Variants in TTN observed in about 807,000 individuals in gnomAD.
TTN encodes connectin.
Under a neutral mutation model 3,223.0 loss-of-function variants are expected in TTN, and 1,525 were observed. That is an observed-to-expected ratio of 0.47 (90% CI 0.45 to 0.49). TTN has a LOEUF of 0.49. Ranked by LOEUF, TTN falls within the 20% of genes least tolerant of loss-of-function variation. The pLI, the probability that TTN is intolerant of heterozygous loss-of-function variation, is 0.00. For synonymous variants in TTN, 14,094 were observed against 15,161.0 expected (o/e 0.93, Z 5.17); for missense variants, 40,786 against 43,424.0 (o/e 0.94, Z 5.40).
At position 178,769,828 on chromosome 2, in the gene TTN, C is replaced by G. The variant is rs746575522; in HGVS notation, c.8753G>C (p.Gly2918Ala). The G allele has an allele frequency of 3.7e-6, 6 of 1,613,956 alleles. No individual in the cohort carries two copies. The stretch of plus-strand genomic sequence containing the variant: ...CTTTTCACTCATCTCAATTTCCACA[C>G]CATTCTTCAGCCACATGGAAGGGAC... ...FNVPSMWLKN[G>A]VEIEMSEKFK... The change falls in exon 37 of 363, where the codon GGT (glycine) becomes GCT (alanine). Residue 2918 changes from glycine to alanine, a missense_variant. Physicochemically the swap from Gly to Ala is moderately conservative, Grantham distance 60 (BLOSUM62 0). Coordinates refer to ENST00000589042, the MANE Select transcript of TTN (RefSeq NM_001267550.2).
chr2:178,773,891 G>C lies in TTN; in HGVS notation c.7277C>G (p.Ser2426Cys). 1 of 1,614,112 alleles carries C rather than the reference G, an allele frequency of 6.2e-7. No individual in the cohort carries two copies. The highest frequency in any genetic ancestry group is 8.5e-7 in the Non-Finnish European group (1 of 1,179,976). ...GAGGCCAAGGGCTGGAATGGTGAAA[G>C]AGTAATTTCCAGCATCTTCCTTAGT... is the stretch of plus-strand genomic sequence containing the variant. ...DMTKEDAGNY[S>C]FTIPALGLST... Residue 2426 changes from serine (S) to cysteine (C), a missense_variant, in exon 31 of 363, where the codon TCT (serine) becomes TGT (cysteine). By Grantham distance (112) the Ser-to-Cys change is moderately radical. Coordinates refer to ENST00000589042, the MANE Select transcript of TTN (RefSeq NM_001267550.2).
rs946539839 is a variant in TTN, at chr2:178,573,668, A to G, written c.72464T>C (p.Ile24155Thr). Residue 24155 changes from isoleucine to threonine, a missense_variant, in exon 326 of 363, where the codon ATT becomes ACT. Physicochemically the swap from Ile to Thr is moderately conservative, Grantham distance 89 (BLOSUM62 -1). Coordinates refer to ENST00000589042, the MANE Select transcript of TTN (RefSeq NM_001267550.2). ...ACGTTTCTGTACTATGTAATGATCA[A>G]TTTTGGCACCTCCATCATCCAGTGG... ...FPPLDDGGAK[I>T]DHYIVQKRET... 4 of 1,516,206 alleles carry G rather than the reference A, an allele frequency of 2.6e-6. No individual in the cohort carries two copies. Among genetic ancestry groups the G allele is most frequent in the Non-Finnish European group, 3.5e-6 (4 of 1,134,134 alleles). 93.9% of individuals were successfully genotyped at this position (1,516,206 alleles called of 1,614,324 possible). A position where few individuals can be genotyped will look rare whatever the true frequency, so the allele number is the denominator to read the frequency against.
In TTN at chr2:178,664,481, C is replaced by T; in HGVS notation, c.36259G>A (p.Ala12087Thr). Residue 12087 changes from alanine to threonine, a missense_variant, in exon 168 of 363, where the codon GCT becomes ACT. Physicochemically the swap from Ala to Thr is moderately conservative, Grantham distance 58. Transcript: ENST00000589042. ...GTACCTTTGACAGGTACAACTTCAG[C>T]CCTTTGGGGAGGATGCACTTTCTTT... ...PEKKVHPPQR[A>T]EVVPVKVHEA... The T allele has an allele frequency of 6.2e-7, 1 of 1,612,168 alleles. No homozygotes were observed. The highest frequency in any genetic ancestry group is 8.5e-7 in the Non-Finnish European group (1 of 1,179,418).
At position 178,629,314 on chromosome 2, in the gene TTN, T is replaced by A; in HGVS notation, c.44411A>T (p.Glu14804Val). Reference sequence around the variant, plus strand: ...CCTGCTTTTTACCTTATCGCTGGGCTCTAGTTTCTTCCCTTTGAGATACCA... The same window carrying A: ...CCTGCTTTTTACCTTATCGCTGGGCACTAGTTTCTTCCCTTTGAGATACCA... ...VEWYLKGKKLEPSDKVVPRSE... is the reference protein window; with the variant it reads ...VEWYLKGKKLVPSDKVVPRSE... The change falls in exon 240 of 363, where the codon GAG becomes GTG. Residue 14804 changes from glutamate (E) to valine (V), a missense_variant. Coordinates refer to ENST00000589042, the MANE Select transcript of TTN (RefSeq NM_001267550.2). 6.2e-7 allele frequency: 1 copy of A among 1,612,680 alleles called. No individual in the cohort carries two copies. The highest frequency in any genetic ancestry group is 8.5e-7 in the Non-Finnish European group (1 of 1,179,184).
chr2:178,759,168 T>C lies in TTN; in HGVS notation c.10119A>G (p.Leu3373=), dbSNP rs2088244202. ...RFQCRVSGTD[L]KVSWYSKDKK... Reference sequence around the variant, plus strand: ...TGTCTTTGCTGTACCACGACACTTTTAGATCTGCGACACAAAAGAAAAGAG... The same window carrying C: ...TGTCTTTGCTGTACCACGACACTTTCAGATCTGCGACACAAAAGAAAAGAG... The change falls in exon 44 of 363, where the codon CTA becomes CTG. Residue 3373 remains leucine, a synonymous_variant. Transcript: ENST00000589042. 6.2e-7 allele frequency: 1 copy of C among 1,613,960 alleles called. No homozygotes were observed. The highest frequency in any genetic ancestry group is 8.5e-7 in the Non-Finnish European group (1 of 1,179,926).
chr2:178,615,102 C>A, intron 259 of TTN, 134 bp from the exon 260 acceptor site: 1 of 1,000,008 alleles, frequency 1.0e-6, no homozygotes, highest in Non-Finnish European at 1.4e-6. Flanking sequence ...TACTTCAACA[C>A]TATAACTGAA....
At position 178,615,764 on chromosome 2, in the gene TTN, C is replaced by T. The variant is rs548275593; in HGVS notation, c.48337G>A (p.Glu16113Lys). 60 of 1,611,782 alleles carry T rather than the reference C, an allele frequency of 3.7e-5. 3 individuals are homozygous for T. The South Asian group carries it at 6.5e-4, about 17-fold the overall frequency. Residue 16113 changes from glutamate to lysine, a missense_variant, in exon 258 of 363, where the codon GAA becomes AAA. By Grantham distance (56) the Glu-to-Lys change is moderately conservative (BLOSUM62 1). Transcript: ENST00000589042. ...TGAACAAGATCAGGAACTGTGAATT[C>T]TAGATCAGTCACAAAGTCCATAACC... Reference protein sequence around the residue: ...TKVMDFVTDLEFTVPDLVQGK... With the variant: ...TKVMDFVTDLKFTVPDLVQGK...
rs542005676 is a variant in TTN, at chr2:178,546,967, T to G, written c.94522+36A>C. 3 of 1,588,558 alleles carry G rather than the reference T, an allele frequency of 1.9e-6. No individual in the cohort carries two copies. In the African/African-American group the frequency reaches 4.0e-5, roughly 21 times the overall value. On this transcript the variant is annotated intron_variant, in intron 340 of 362. Transcript: ENST00000589042. ...CTCTGAGTTCTACTAGAATCAGTAA[T>G]AATAAACAAATATGCCCTTAAATTG...
At chr2:178,786,585 C>T (rs1010149308) in intron 13 of TTN, among the ~76,000 whole-genome samples, 3 of 152,018 alleles carry the variant, frequency 2.0e-5, no homozygotes, top group African/African-American at 7.2e-5. Flanking sequence ...ACTCAAATAC[C>T]GTCATCATCC....
intron 119 of TTN, 93 bp from the exon 120 acceptor site, chr2:178,692,673 ATACCAAC>A: frequency 1.1e-6 from 1 of 933,490 alleles, no homozygotes; most frequent in Middle Eastern, 2.2e-4. Flanking sequence ...TTCCCTTTTT[ATACCAAC>A]TGAATGCAAG....
In TTN at chr2:178,564,837, C is replaced by A. The variant is rs1320967672; in HGVS notation, c.81295G>T (p.Asp27099Tyr). The A allele has an allele frequency of 6.2e-7, 1 of 1,613,266 alleles. No individual in the cohort carries two copies. Among genetic ancestry groups the A allele is most frequent in the Non-Finnish European group, 8.5e-7 (1 of 1,179,614 alleles). Residue 27099 changes from aspartate to tyrosine, a missense_variant, in exon 326 of 363, where the codon GAT (aspartate) becomes TAT (tyrosine). Physicochemically the swap from Asp to Tyr is radical, Grantham distance 160. Coordinates refer to ENST00000589042, the MANE Select transcript of TTN (RefSeq NM_001267550.2). ...MLVQWHEPVN[D>Y]GGTKIIGYHL... ...TAGCCAATAATTTTGGTGCCTCCAT[C>A]ATTCACTGGCTCATGCCATTGCACA... is the stretch of plus-strand genomic sequence containing the variant.
Position 178,612,998 on chromosome 2 carries a change from G to C in TTN, c.49723C>G (p.Pro16575Ala). Reference protein sequence around the residue: ...KTSVRLNWTKPEHDGGAKIES... With the variant: ...KTSVRLNWTKAEHDGGAKIES... Reference sequence around the variant, plus strand: ...ATCTTTGCACCTCCATCATGTTCTGGTTTTGTCCAATTCAACCTTACTGAT... The same window carrying C: ...ATCTTTGCACCTCCATCATGTTCTGCTTTTGTCCAATTCAACCTTACTGAT... The change falls in exon 265 of 363, where the codon CCA (proline) becomes GCA (alanine). Residue 16575 changes from proline to alanine, a missense_variant. Physicochemically the swap from Pro to Ala is conservative, Grantham distance 27. Transcript: ENST00000589042. The C allele has an allele frequency of 6.2e-7, 1 of 1,612,664 alleles. No individual in the cohort carries two copies. Among genetic ancestry groups the C allele is most frequent in the South Asian group, 1.1e-5 (1 of 91,040 alleles).
At position 178,610,916 on chromosome 2, in the gene TTN, T is replaced by G. The variant is rs1576411301; in HGVS notation, c.51136+77A>C. The G allele has an allele frequency of 2.6e-6, 4 of 1,553,126 alleles. No homozygotes were observed. In the East Asian group the frequency reaches 6.8e-5, roughly 26 times the overall value. ...TGGCCAGTTCATGAAGCCAATTATA[T>G]TATTAATAGCACTGCAAAGTTAACT... On this transcript the variant is annotated intron_variant, in intron 270 of 362. Transcript: ENST00000589042.
At chr2:178,751,492 C>G in intron 47 of TTN, 1 of 1,613,328 alleles carries the variant, frequency 6.2e-7, no homozygotes, top group Non-Finnish European at 8.5e-7. Context: ...AGCCAGTAAA[C>G]CTCAGGTCAA....
chr2:178,638,084 ATACT>A (rs1354357380), intron 223 of TTN, among the ~76,000 whole-genome samples: 1 of 152,028 alleles, frequency 6.6e-6, no homozygotes, highest in African/African-American at 2.4e-5. Context: ...ATTTTTATAC[ATACT>A]TAATTAGACA....
chr2:178,601,073 C>G lies in TTN; in HGVS notation c.55831G>C (p.Val18611Leu). The change falls in exon 288 of 363, where the codon GTT (valine) becomes CTT (leucine). Residue 18611 changes from valine (V) to leucine (L), a missense_variant. By Grantham distance (32) the Val-to-Leu change is conservative. Transcript: ENST00000589042. ...KPPKNDGGSP[V>L]THYIVECLAW... is the part of the protein sequence containing the mutation. The stretch of plus-strand genomic sequence containing the variant: ...AGGCACTCAACAATATAGTGGGTAA[C>G]AGGGGAGCCCCCATCATTCTTCGGG... 1 of 1,610,160 alleles carries G rather than the reference C, an allele frequency of 6.2e-7. No homozygotes were observed. The highest frequency in any genetic ancestry group is 1.3e-5 in the African/African-American group (1 of 74,792).
intron 218 of TTN, 58 bp downstream of exon 218, chr2:178,644,490 G>C: frequency 7.8e-7 from 1 of 1,276,658 alleles, no homozygotes; most frequent in Non-Finnish European, 1.1e-6. Context: ...GGCAGAAAGA[G>C]CAAGGAGTCA....
chr2:178,603,588 G>C (rs906092677), intron 282 of TTN, among the ~76,000 whole-genome samples: 2 of 151,910 alleles, frequency 1.3e-5, no homozygotes, highest in Non-Finnish European at 2.9e-5. Flanking sequence ...AGAAGACATA[G>C]GAGTTTATAG....
intron 50 of TTN, 132 bp downstream of exon 50, chr2:178,735,379 C>T (rs1247126121): frequency 3.2e-6 from 3 of 951,542 alleles, no homozygotes; most frequent in Non-Finnish European, 2.9e-6. Context: ...CAGGACTTTC[C>T]CAAACCATAA....
Sources: gnomAD v4.1 joint callset for allele counts (sites outside exome capture counted in the v4.1 genomes callset) on GRCh38, gnomAD v4.1.1 for gene constraint, MANE v1.5 for transcripts, NCBI Gene and HGNC (gene_info 2026-07-23, HGNC 2026-07-21) for gene names.